BRI3: variants seen among roughly 807,000 people sequenced by gnomAD.
The protein encoded by BRI3 is membrane protein BRI3.
A neutral mutation model predicts 12.8 loss-of-function variants in BRI3; 6 were observed. The observed-to-expected ratio is 0.47, with a 90% CI of 0.26 to 0.93. The LOEUF is 0.93. BRI3 is among the 40% of genes least tolerant of loss of function. The pLI is 0.15. For missense variants in BRI3, 134 were observed against 171.1 expected, an observed-to-expected ratio of 0.78 and a Z score of 1.21; for synonymous variants, 91 against 76.1, an observed-to-expected ratio of 1.20 and a Z score of -1.02.
Position 98,282,469 on chromosome 7 carries a change from G to T in BRI3, c.245+16G>T, listed in dbSNP as rs779454457. 6.2e-7 allele frequency: 1 copy of T among 1,606,360 alleles called. No homozygotes were observed. Among genetic ancestry groups the T allele is most frequent in the Non-Finnish European group, 8.5e-7 (1 of 1,173,138 alleles). On this transcript the variant is annotated intron_variant, in intron 2 of 2. Coordinates refer to ENST00000297290, the MANE Select transcript of BRI3 (RefSeq NM_015379.5). ...CTGTCTGCAGGTGAGTGGGTCTGCAGCCTGGGGACTGGCCCTGGAAGCTCT... is the reference window on the plus strand; with the variant it reads ...CTGTCTGCAGGTGAGTGGGTCTGCATCCTGGGGACTGGCCCTGGAAGCTCT...
At chr7:98,287,774 C>T (rs1013279260) in intron 2 of BRI3, among the ~76,000 whole-genome samples, 15 of 152,318 alleles carry the variant, frequency 9.8e-5, no homozygotes, top group African/African-American at 3.4e-4. Flanking sequence ...CTGGTGTGGG[C>T]GGGGCCCCCA....
chr7:98,289,899 C>T (rs571401733), intron 2 of BRI3, among the ~76,000 whole-genome samples: 143 of 152,272 alleles, frequency 9.4e-4, no homozygotes, highest in Admixed American at 3.4e-3. Flanking sequence ...GGCTCACTGG[C>T]GCAGGATTTG....
At position 98,281,885 on chromosome 7, in the gene BRI3, C is replaced by A. The variant is rs1799528299; in HGVS notation, c.90C>A (p.Tyr30Ter). 7.7e-7 allele frequency: 1 copy of A among 1,305,616 alleles called. No homozygotes were observed. Among genetic ancestry groups the A allele is most frequent in the Non-Finnish European group, 9.7e-7 (1 of 1,026,684 alleles). 80.9% of individuals were successfully genotyped at this position (1,305,616 alleles called of 1,614,324 possible). A position where few individuals can be genotyped will look rare whatever the true frequency, so the allele number is the denominator to read the frequency against. The change falls in exon 1 of 3, where the codon TAC (tyrosine) becomes TAA (stop). Residue 30 changes from tyrosine (Y) to a stop codon, truncating the protein, a stop_gained. Transcript: ENST00000297290. LOFTEE classifies it high-confidence loss of function. ...ACTACGCGTGCGGCCCGCACGGCTACGGCGCCATCCCCGCCGCGCCCCCGC... is the reference window on the plus strand; with the variant it reads ...ACTACGCGTGCGGCCCGCACGGCTAAGGCGCCATCCCCGCCGCGCCCCCGC... Reference protein sequence around the residue: ...QGDYACGPHGYGAIPAAPPPP... With the variant: ...QGDYACGPHG
chr7:98,309,782 G>A (rs1220261129), exon 2 of BRI3: 1 of 151,242 alleles, frequency 6.6e-6, no homozygotes, highest in East Asian at 1.9e-4. Flanking sequence ...GGTCTCGAGG[G>A]TCCTGGGTGC....
chr7:98,297,336 GA>G (rs1800234964), downstream of BRI3, among the ~76,000 whole-genome samples: 1 of 152,212 alleles, frequency 6.6e-6, no homozygotes, highest in Non-Finnish European at 1.5e-5. Context: ...CAGGTTGGGG[GA>G]CTAGTTGACC....
the BRI3 span, chr7:98,315,625 A>ATAAT: frequency 0.37 from 410,182 of 1,112,614 alleles, 81,653 homozygotes; most frequent in Middle Eastern, 0.44. Context: ...AAAAAAAAAA[A>ATAAT]AATAATAATA....
At chr7:98,315,803 C>T in the BRI3 span, among the ~76,000 whole-genome samples, 46,903 of 151,976 alleles carry the variant, frequency 0.31, 9,592 homozygotes, top group Middle Eastern at 0.5. Flanking sequence ...AGGTCCCTGA[C>T]TCGTGTGCAG....
downstream of BRI3, among the ~76,000 whole-genome samples, chr7:98,296,356 T>G (rs2116790919): frequency 6.6e-6 from 1 of 152,346 alleles, no homozygotes; most frequent in Non-Finnish European, 1.5e-5. Context: ...CCAGGGACAG[T>G]GGCTCATGCC....
At chr7:98,307,476 A>T in intron 1 of BRI3, 1 of 1,420,838 alleles carries the variant, frequency 7.0e-7, no homozygotes, top group Admixed American at 2.9e-5. Context: ...ATACGCTCTA[A>T]TAACTATGCA....
chr7:98,298,188 G>A lies in BRI3; in HGVS notation c.72-8295G>A, dbSNP rs1276811759. Among the ~76,000 whole-genome samples the A allele has an allele frequency of 5.3e-5, 8 of 152,230 alleles. No homozygotes were observed. In the East Asian group the frequency reaches 7.7e-4, roughly 15 times the overall value. ...CTCAGATCGTCTAATAAGACGCGCC[G>A]TCACAGGACAGCTGTGGGGCTTCCC... On this transcript the variant is annotated intron_variant and NMD_transcript_variant, in intron 1 of 2. Coordinates refer to the BRI3 transcript ENST00000491463.
chr7:98,323,327 AAAC>A, the BRI3 span: 1 of 152,246 alleles, frequency 6.6e-6, no homozygotes, highest in Non-Finnish European at 1.5e-5. Flanking sequence ...GATGAAATAT[AAAC>A]AACAACAAAA....
At chr7:98,286,374 G>A (rs139505683) in intron 2 of BRI3, among the ~76,000 whole-genome samples, 5 of 152,356 alleles carry the variant, frequency 3.3e-5, no homozygotes, top group Admixed American at 1.3e-4. Context: ...GACTGGAGTC[G>A]CCTTAAGGGA....
downstream of BRI3, among the ~76,000 whole-genome samples, chr7:98,294,755 A>G (rs1172350052): frequency 6.6e-6 from 1 of 152,100 alleles, no homozygotes; most frequent in Non-Finnish European, 1.5e-5. Context: ...ATAAAACCCC[A>G]CTGGCTTTGG....
downstream of BRI3, chr7:98,293,672 G>T: frequency 2.1e-6 from 3 of 1,429,946 alleles, no homozygotes; most frequent in Non-Finnish European, 3.0e-6. Context: ...CTAATAACCC[G>T]TTCTTGCCCT....
chr7:98,290,714 G>GTC (rs1355458425), intron 2 of BRI3, among the ~76,000 whole-genome samples: 1 of 149,890 alleles, frequency 6.7e-6, no homozygotes, highest in African/African-American at 2.5e-5. Context: ...GGCCAGGCTG[G>GTC]TCTTGAACTC....
exon 2 of BRI3, chr7:98,307,643 G>C: frequency 6.2e-7 from 1 of 1,606,342 alleles, no homozygotes; most frequent in Non-Finnish European, 8.5e-7. Context: ...CTCTGGAAGG[G>C]AGGGGCCGTC....
chr7:98,293,668 A>G, downstream of BRI3: 1 of 1,454,314 alleles, frequency 6.9e-7, no homozygotes, highest in East Asian at 2.3e-5. Context: ...AGTGCTAATA[A>G]CCCGTTCTTG....
At chr7:98,317,508 C>T in the BRI3 span, 2 of 814,638 alleles carry the variant, frequency 2.5e-6, no homozygotes, top group Non-Finnish European at 3.9e-6. Context: ...CCCCCACACC[C>T]ACACCAGTTC....
At chr7:98,318,545 C>T in the BRI3 span, among the ~76,000 whole-genome samples, 12 of 151,444 alleles carry the variant, frequency 7.9e-5, no homozygotes, top group Non-Finnish European at 1.3e-4. Context: ...TCCCAAAGTG[C>T]TGGGATTACA....
Sources: gnomAD v4.1 joint callset for allele counts (sites outside exome capture counted in the v4.1 genomes callset) on GRCh38, gnomAD v4.1.1 for gene constraint, MANE v1.5 for transcripts, NCBI Gene and HGNC (gene_info 2026-07-23, HGNC 2026-07-21) for gene names.